Variants in CELF4 observed in about 807,000 individuals in gnomAD.
CELF4 encodes CUG-BP- and ETR-3-like factor 4.
CELF4 carries 18 observed loss-of-function variants against 59.9 expected under a neutral mutation model. The ratio of observed to expected loss-of-function variants is 0.30; its 90% CI spans 0.21 to 0.45. CELF4 has a LOEUF of 0.45. Among genes scored for constraint, CELF4 ranks in the 20% least tolerant of loss-of-function variants. The pLI, the probability that CELF4 is intolerant of heterozygous loss-of-function variation, is 1.00. For missense variants in CELF4, 456 were observed against 689.0 expected, an observed-to-expected ratio of 0.66 and a Z score of 3.79; for synonymous variants, 261 against 267.1, an observed-to-expected ratio of 0.98 and a Z score of 0.22.
intron 3 of CELF4, among the ~76,000 whole-genome samples, chr18:37,293,133 C>A (rs1296289099): frequency 1.3e-5 from 2 of 152,238 alleles, no homozygotes; most frequent in African/African-American, 4.8e-5. Context: ...CCTGCATCCT[C>A]AGCCCAGGCT....
intron 10 of CELF4, among the ~76,000 whole-genome samples, chr18:37,259,648 C>T (rs1191553529): frequency 6.6e-6 from 1 of 152,144 alleles, no homozygotes; most frequent in East Asian, 1.9e-4. Context: ...TCCCTCCTGC[C>T]CTGCCCCTGC....
At chr18:37,565,177 CAGCG>C (rs1318553755) in intron 1 of CELF4, among the ~76,000 whole-genome samples, 175 bp downstream of exon 1, 1 of 152,162 alleles carries the variant, frequency 6.6e-6, no homozygotes, top group Non-Finnish European at 1.5e-5. Flanking sequence ...AGTCTTGCCC[CAGCG>C]AACAGCTCCC....
At chr18:37,281,408 C>A (rs74720651) in intron 3 of CELF4, among the ~76,000 whole-genome samples, 2 of 152,168 alleles carry the variant, frequency 1.3e-5, no homozygotes, top group African/African-American at 4.8e-5. Flanking sequence ...GCACTGTGGG[C>A]GAGTGTTCAG....
intron 2 of CELF4, among the ~76,000 whole-genome samples, chr18:37,329,501 G>A (rs2097454407): frequency 6.6e-6 from 1 of 152,246 alleles, no homozygotes; most frequent in African/African-American, 2.4e-5. Flanking sequence ...AGGTATCTAT[G>A]CAATAGACTC....
chr18:37,263,782 C>G (rs144333923), intron 10 of CELF4, among the ~76,000 whole-genome samples: 3 of 152,220 alleles, frequency 2.0e-5, no homozygotes, highest in Non-Finnish European at 4.4e-5. Context: ...TAGGCCTGTA[C>G]TGGGGCATTC....
At chr18:37,256,779 T>G (rs889205698) in intron 11 of CELF4, among the ~76,000 whole-genome samples, 2 of 151,990 alleles carry the variant, frequency 1.3e-5, no homozygotes, top group Non-Finnish European at 2.9e-5. Context: ...GAGATGGAGG[T>G]TCACCATGTT....
intron 2 of CELF4, among the ~76,000 whole-genome samples, chr18:37,371,022 G>T (rs971247018): frequency 6.6e-6 from 1 of 152,138 alleles, no homozygotes; most frequent in Non-Finnish European, 1.5e-5. Flanking sequence ...AGAAGCACTT[G>T]CCCGTGGGCA....
In CELF4 at chr18:37,461,427, A is replaced by G. The variant is rs182213787; in HGVS notation, c.369+24098T>C. ...AGCAGCAAGAAGTGCTGAGCAGAAG[A>G]GGGAAAAGCCCCTTATAAAACCATC... On this transcript the variant is annotated intron_variant, in intron 2 of 12. Transcript: ENST00000420428. 8.8e-4 allele frequency among the ~76,000 whole-genome samples: 134 copies of G among 152,314 alleles called. 1 individual carries two copies. The highest frequency in any genetic ancestry group is 2.8e-3 in the African/African-American group (115 of 41,578).
intron 2 of CELF4, among the ~76,000 whole-genome samples, chr18:37,427,044 G>GC (rs1024441334): frequency 6.6e-6 from 1 of 151,964 alleles, no homozygotes; most frequent in Non-Finnish European, 1.5e-5. Flanking sequence ...ACACGGGGGG[G>GC]GGGGAAGCTG....
chr18:37,345,643 G>A (rs1312060051), intron 2 of CELF4, among the ~76,000 whole-genome samples: 1 of 152,098 alleles, frequency 6.6e-6, no homozygotes, highest in Non-Finnish European at 1.5e-5. Flanking sequence ...CTTTGGAGTG[G>A]CTGAAGGCCT....
chr18:37,282,686 C>T (rs975133951), intron 3 of CELF4, among the ~76,000 whole-genome samples: 2 of 152,192 alleles, frequency 1.3e-5, no homozygotes, highest in African/African-American at 4.8e-5. Flanking sequence ...CCAGCAATTA[C>T]CCCTGATCAG....
intron 2 of CELF4, among the ~76,000 whole-genome samples, chr18:37,351,231 C>T (rs2098434862): frequency 6.6e-6 from 1 of 152,146 alleles, no homozygotes; most frequent in Non-Finnish European, 1.5e-5. Context: ...AAACGACTCG[C>T]CAAAAGTTCT....
At chr18:37,261,745 C>T (rs1002832688) in intron 10 of CELF4, among the ~76,000 whole-genome samples, 1 of 152,242 alleles carries the variant, frequency 6.6e-6, no homozygotes, top group African/African-American at 2.4e-5. Context: ...CGGCAGCCAT[C>T]CCTGAGGGCA....
intron 2 of CELF4, among the ~76,000 whole-genome samples, chr18:37,423,089 G>GAC (rs2154594207): frequency 8.3e-6 from 1 of 120,308 alleles, no homozygotes; most frequent in African/African-American, 2.7e-5. Context: ...CACAGAGACA[G>GAC]AGAGAGAGAG....
chr18:37,446,020 C>G (rs566743230), intron 2 of CELF4, among the ~76,000 whole-genome samples: 1 of 152,338 alleles, frequency 6.6e-6, no homozygotes, highest in East Asian at 1.9e-4. Flanking sequence ...GAAGGAGGCT[C>G]AGAGTGGCGA....
At chr18:37,489,469 C>G (rs1210037298) in intron 1 of CELF4, among the ~76,000 whole-genome samples, 2 of 152,088 alleles carry the variant, frequency 1.3e-5, no homozygotes, top group African/African-American at 4.8e-5. Context: ...ACTCACTGCT[C>G]TCTCCTAGGG....
intron 1 of CELF4, among the ~76,000 whole-genome samples, chr18:37,541,897 T>G (rs2099978121): frequency 6.6e-6 from 1 of 152,160 alleles, no homozygotes; most frequent in Non-Finnish European, 1.5e-5. Context: ...TATGTTTTAA[T>G]TCTCAGCACA....
chr18:37,457,035 G>A (rs1045476608), intron 2 of CELF4, among the ~76,000 whole-genome samples: 1 of 152,312 alleles, frequency 6.6e-6, no homozygotes, highest in African/African-American at 2.4e-5. Context: ...TGTCTTTCCT[G>A]AGGAGGCTTC....
rs146603144 is a variant in CELF4 at position 37,488,330 on chromosome 18, G to A, written c.287-2723C>T. On this transcript the variant is annotated intron_variant, in intron 1 of 12. Coordinates refer to ENST00000420428, the MANE Select transcript of CELF4 (RefSeq NM_020180.4). ...AGGGGCAGGCTCCCCATGCTCAGAT[G>A]AGGTTAGGAGCCTGGTTTTGTTCTG... 7.5e-3 allele frequency among the ~76,000 whole-genome samples: 1,141 copies of A among 152,236 alleles called. 8 individuals carry two copies. The highest frequency in any genetic ancestry group is 9.9e-3 in the Non-Finnish European group (673 of 68,030).
Sources: gnomAD v4.1 joint callset for allele counts (sites outside exome capture counted in the v4.1 genomes callset) on GRCh38, gnomAD v4.1.1 for gene constraint, MANE v1.5 for transcripts, NCBI Gene and HGNC (gene_info 2026-07-23, HGNC 2026-07-21) for gene names.